SGCD: variants seen among roughly 807,000 people sequenced by gnomAD.
SGCD encodes the protein sarcoglycan delta.
In SGCD, 18 loss-of-function variants were observed where a neutral mutation model predicts 36.6. The ratio of observed to expected loss-of-function variants is 0.49; its 90% CI spans 0.34 to 0.73. The LOEUF (loss-of-function observed/expected upper bound fraction) is 0.73. Ranked by LOEUF, SGCD falls within the 30% of genes least tolerant of loss-of-function variation. The probability of loss-of-function intolerance (pLI) is 0.01; values close to 1 mark genes in which losing one functional copy is unlikely to be tolerated. For synonymous variants in SGCD, 133 were observed against 130.6 expected (o/e 1.02, Z -0.12); for missense variants, 387 against 346.7 (o/e 1.12, Z -0.92).
At chr5:156,534,042 A>C (rs1415898899) in intron 4 of SGCD, among the ~76,000 whole-genome samples, 1 of 152,188 alleles carries the variant, frequency 6.6e-6, no homozygotes, top group Non-Finnish European at 1.5e-5. Flanking sequence ...GTAACACTAT[A>C]AATTTGCGTG....
intron 3 of SGCD, among the ~76,000 whole-genome samples, chr5:156,260,881 T>C (rs1451855273): frequency 6.6e-6 from 1 of 152,152 alleles, no homozygotes; most frequent in Non-Finnish European, 1.5e-5. Context: ...AGTTTTATCA[T>C]GAAGGATGTT....
chr5:155,977,527 G>A (rs1242097147), intron 1 of SGCD, among the ~76,000 whole-genome samples: 1 of 152,150 alleles, frequency 6.6e-6, no homozygotes, highest in Non-Finnish European at 1.5e-5. Context: ...GAATGATTGG[G>A]TGAATACATT....
intron 4 of SGCD, among the ~76,000 whole-genome samples, chr5:156,576,170 C>G (rs551511923): frequency 8.6e-5 from 13 of 151,740 alleles, no homozygotes; most frequent in Non-Finnish European, 1.9e-4. Flanking sequence ...TGAGAACATG[C>G]GGTGTTTGGT....
At chr5:155,962,676 C>T (rs549177988) in intron 1 of SGCD, among the ~76,000 whole-genome samples, 1 of 152,218 alleles carries the variant, frequency 6.6e-6, no homozygotes, top group East Asian at 1.9e-4. Context: ...TGGGTCACCA[C>T]CTGGGAACAT....
At chr5:156,691,368 G>A (rs1020181638) in intron 7 of SGCD, among the ~76,000 whole-genome samples, 1 of 152,096 alleles carries the variant, frequency 6.6e-6, no homozygotes, top group Non-Finnish European at 1.5e-5. Flanking sequence ...ATAGCTATGT[G>A]GCTGCTATAC....
Position 156,074,013 on chromosome 5 carries a change from G to A in SGCD, c.-281-43865G>A, listed in dbSNP as rs74518136. Among the ~76,000 whole-genome samples the A allele has an allele frequency of 5.5e-3, 835 of 152,354 alleles. 6 individuals are homozygous for A. Among genetic ancestry groups the A allele is most frequent in the African/African-American group, 0.019 (803 of 41,584 alleles). ...GTAAGATTCAAGTAAATGAGTAGAA[G>A]TAGAGAGGTTGTACCTAGAGCCCGA... is the stretch of plus-strand genomic sequence containing the variant. On this transcript the variant is annotated intron_variant, in intron 1 of 9. Transcript: ENST00000517913.
chr5:156,667,105 T>A (rs1753077980), intron 7 of SGCD, among the ~76,000 whole-genome samples: 1 of 152,218 alleles, frequency 6.6e-6, no homozygotes, highest in Admixed American at 6.5e-5. Flanking sequence ...AATTTCAGAT[T>A]TTCAGATTTG....
At chr5:156,294,512 G>C (rs987337512) in intron 3 of SGCD, among the ~76,000 whole-genome samples, 1 of 152,094 alleles carries the variant, frequency 6.6e-6, no homozygotes, top group Non-Finnish European at 1.5e-5. Flanking sequence ...GTGACTTCCA[G>C]TTCCACGTGA....
chr5:155,935,431 A>C (rs1254460020), intron 1 of SGCD, among the ~76,000 whole-genome samples: 5 of 152,010 alleles, frequency 3.3e-5, no homozygotes, highest in Non-Finnish European at 7.4e-5. Flanking sequence ...TTGTGGGGGG[A>C]GATTGATGCT....
intron 3 of SGCD, among the ~76,000 whole-genome samples, chr5:156,350,504 G>T (rs1561638186): frequency 6.6e-6 from 1 of 151,894 alleles, no homozygotes; most frequent in Admixed American, 6.6e-5. Context: ...TATCCCCAAG[G>T]ATACATGCTG....
chr5:156,350,508 C>T (rs1273792928), intron 3 of SGCD, among the ~76,000 whole-genome samples: 1 of 151,962 alleles, frequency 6.6e-6, no homozygotes, highest in Non-Finnish European at 1.5e-5. Flanking sequence ...CCCAAGGATA[C>T]ATGCTGGAAG....
chr5:156,392,453 T>C (rs1771627157), intron 3 of SGCD, among the ~76,000 whole-genome samples: 1 of 152,186 alleles, frequency 6.6e-6, no homozygotes, highest in Non-Finnish European at 1.5e-5. Context: ...AGCATACAGA[T>C]AGGCAGGTTG....
chr5:156,470,362 C>T (rs911522480), intron 3 of SGCD, among the ~76,000 whole-genome samples: 8 of 151,248 alleles, frequency 5.3e-5, no homozygotes, highest in Non-Finnish European at 1.2e-4. Context: ...TTTTTTTATA[C>T]TTTAAGTTTT....
At position 156,622,451 on chromosome 5, in the gene SGCD, A is replaced by AATG. The variant is rs1762288266; in HGVS notation, c.503-25011_503-25010insGAT. Among the ~76,000 whole-genome samples, 5 of 141,834 alleles carry AATG rather than the reference A, an allele frequency of 3.5e-5. No individual in the cohort carries two copies. In the South Asian group the frequency reaches 1.1e-3, roughly 30 times the overall value. 93.0% of individuals were successfully genotyped at this position (141,834 alleles called of 152,430 possible). A position where few individuals can be genotyped will look rare whatever the true frequency, so the allele number is the denominator to read the frequency against. The stretch of plus-strand genomic sequence containing the variant: ...CTGTCTAAAAAATAATAATAATAAT[A>AATG]ATAATAATAATAATAATAATAATAA... On this transcript the variant is annotated intron_variant, in intron 6 of 8. Transcript: ENST00000337851.
chr5:156,347,086 C>T (rs760654152), intron 3 of SGCD, among the ~76,000 whole-genome samples: 11 of 152,088 alleles, frequency 7.2e-5, no homozygotes, highest in Non-Finnish European at 1.3e-4. Context: ...CGTGAGCCAC[C>T]GTGCCTGGCC....
At chr5:156,229,300 A>ATATATATGTGTGTATATATATATAT (rs1477607808) in intron 3 of SGCD, among the ~76,000 whole-genome samples, 1 of 126,180 alleles carries the variant, frequency 7.9e-6, no homozygotes, top group African/African-American at 3.0e-5. Context: ...ATATATATAT[A>ATATATATGTGTGTATATATATATAT]AAATTAGTTC....
At chr5:156,575,454 C>T (rs1759898434) in intron 4 of SGCD, among the ~76,000 whole-genome samples, 1 of 152,206 alleles carries the variant, frequency 6.6e-6, no homozygotes, top group Non-Finnish European at 1.5e-5. Flanking sequence ...GTGCTCAACT[C>T]TAGAGTGCTA....
intron 2 of SGCD, among the ~76,000 whole-genome samples, chr5:156,331,985 AC>A (rs1449581132): frequency 6.6e-6 from 1 of 151,868 alleles, no homozygotes; most frequent in East Asian, 1.9e-4. Context: ...GGTTCCATTC[AC>A]CCTTGCAAGT....
the SGCD span, among the ~76,000 whole-genome samples, chr5:155,801,808 CTCACATTAA>C: frequency 6.6e-6 from 1 of 152,192 alleles, no homozygotes; most frequent in Admixed American, 6.6e-5. Context: ...CAAGTACTGA[CTCACATTAA>C]TCAACTGTGC....
Sources: gnomAD v4.1 joint callset for allele counts (sites outside exome capture counted in the v4.1 genomes callset) on GRCh38, gnomAD v4.1.1 for gene constraint, MANE v1.5 for transcripts, NCBI Gene and HGNC (gene_info 2026-07-23, HGNC 2026-07-21) for gene names.